NUDT9: variants seen among roughly 807,000 people sequenced by gnomAD.
NUDT9 encodes the protein nudix hydrolase 9.
In NUDT9, 31 loss-of-function variants were observed where a neutral mutation model predicts 41.0. The observed-to-expected ratio is 0.76, with a 90% CI of 0.57 to 1.02. The LOEUF is 1.02. NUDT9 is among the 50% of genes least tolerant of loss of function. The probability of loss-of-function intolerance (pLI) is 0.00; values close to 1 mark genes in which losing one functional copy is unlikely to be tolerated. For synonymous variants in NUDT9, 146 were observed against 147.6 expected, an observed-to-expected ratio of 0.99 and a Z score of 0.08; for missense variants, 380 against 431.4, an observed-to-expected ratio of 0.88 and a Z score of 1.06.
chr4:87,455,765 G>A lies in NUDT9; in HGVS notation c.874+1310G>A, dbSNP rs192648262. Among the ~76,000 whole-genome samples, 168 of 150,976 alleles carry A rather than the reference G, an allele frequency of 1.1e-3. 5 individuals carry two copies. Among genetic ancestry groups the A allele is most frequent in the Admixed American group, 9.9e-3 (150 of 15,096 alleles). Reference sequence around the variant, plus strand: ...CAACCTCTGCCTCTCGGGTTCAGGCGATTCTCCTGCCTCAGACTCTCAAGT... The same window carrying A: ...CAACCTCTGCCTCTCGGGTTCAGGCAATTCTCCTGCCTCAGACTCTCAAGT... On this transcript the variant is annotated intron_variant, in intron 7 of 7. Coordinates refer to ENST00000302174, the MANE Select transcript of NUDT9 (RefSeq NM_024047.5).
intron 6 of NUDT9, among the ~76,000 whole-genome samples, chr4:87,453,845 T>TTTTCTTTC (rs547253601): frequency 4.0e-5 from 6 of 151,364 alleles, no homozygotes; most frequent in African/African-American, 1.5e-4. Flanking sequence ...TTCTTTCTTT[T>TTTTCTTTC]TTTCTTTCTT....
intron 2 of NUDT9, 24 bp downstream of exon 2, chr4:87,435,244 C>G: frequency 3.2e-6 from 5 of 1,586,492 alleles, no homozygotes; most frequent in Non-Finnish European, 4.3e-6. Flanking sequence ...ACAGCGTTAG[C>G]TGGGAATAAG....
intron 7 of NUDT9, 121 bp downstream of exon 7, chr4:87,454,576 A>T: frequency 6.2e-6 from 4 of 649,736 alleles, no homozygotes; most frequent in Non-Finnish European, 1.1e-5. Context: ...TGATTGTAGG[A>T]CTGTAGTTAT....
intron 4 of NUDT9, among the ~76,000 whole-genome samples, chr4:87,447,477 T>G (rs1231754991): frequency 2.5e-5 from 2 of 78,840 alleles, no homozygotes; most frequent in African/African-American, 5.2e-5. Context: ...GCATTGGAAG[T>G]TTTTTTTTTT....
intron 4 of NUDT9, among the ~76,000 whole-genome samples, chr4:87,443,916 A>G (rs1722329990): frequency 6.6e-6 from 1 of 152,128 alleles, no homozygotes. Flanking sequence ...AGAACGGGGG[A>G]GAGGCATTCT....
chr4:87,435,949 G>T (rs1414440085), intron 2 of NUDT9, among the ~76,000 whole-genome samples: 2 of 152,082 alleles, frequency 1.3e-5, no homozygotes, highest in Admixed American at 6.5e-5. Context: ...GTAGTGAGAA[G>T]AGTTGAGATC....
intron 1 of NUDT9, among the ~76,000 whole-genome samples, chr4:87,430,253 C>G (rs962496247): frequency 6.6e-6 from 1 of 152,186 alleles, no homozygotes; most frequent in African/African-American, 2.4e-5. Context: ...GGATTTTTCT[C>G]TTGAGCCTCC....
intron 1 of NUDT9, among the ~76,000 whole-genome samples, chr4:87,429,610 A>T (rs1721589500): frequency 6.8e-6 from 1 of 147,580 alleles, no homozygotes. Context: ...ATCCTTTTTA[A>T]ATTTGTTTTT....
At chr4:87,450,760 A>G (rs1013437988) in intron 5 of NUDT9, among the ~76,000 whole-genome samples, 5 of 152,182 alleles carry the variant, frequency 3.3e-5, no homozygotes, top group African/African-American at 1.2e-4. Context: ...TCATCATAGA[A>G]TCTTGCATTT....
intron 1 of NUDT9, among the ~76,000 whole-genome samples, chr4:87,427,684 T>G (rs1721492513): frequency 6.6e-6 from 1 of 152,218 alleles, no homozygotes; most frequent in Non-Finnish European, 1.5e-5. Context: ...TTAAGTTATT[T>G]AAACATTTTT....
At chr4:87,425,623 G>C (rs1050287570) in intron 1 of NUDT9, among the ~76,000 whole-genome samples, 60 of 147,902 alleles carry the variant, frequency 4.1e-4, no homozygotes, top group Non-Finnish European at 7.4e-4. Context: ...TCGAACTCCT[G>C]ACCTCAGGCA....
intron 1 of NUDT9, among the ~76,000 whole-genome samples, chr4:87,429,310 CCTGA>C (rs1006474745): frequency 2.6e-5 from 4 of 152,022 alleles, no homozygotes; most frequent in African/African-American, 9.7e-5. Context: ...TACCACCATG[CCTGA>C]CTAACTTTTA....
chr4:87,450,268 A>G (rs930711413), intron 5 of NUDT9, among the ~76,000 whole-genome samples: 5 of 152,194 alleles, frequency 3.3e-5, no homozygotes, highest in African/African-American at 1.2e-4. Flanking sequence ...TCTTTATAAA[A>G]ACATACAGTT....
chr4:87,429,467 T>TTA (rs916486175), intron 1 of NUDT9, among the ~76,000 whole-genome samples: 4 of 152,038 alleles, frequency 2.6e-5, no homozygotes, highest in Admixed American at 6.6e-5. Context: ...AAGTTTCTTT[T>TTA]TATATATATA....
Position 87,434,976 on chromosome 4 carries a change from C to T in NUDT9, c.108-5C>T, listed in dbSNP as rs753941953. ...ATGTAAAATGTTTTTCTTTTTCTCC[C>T]CCAGAAACTCGTTTTCATCTTCTTG... On this transcript the variant is annotated splice_region_variant and splice_polypyrimidine_tract_variant and intron_variant, in intron 1 of 7. Coordinates refer to ENST00000302174, the MANE Select transcript of NUDT9 (RefSeq NM_024047.5). 6.3e-6 allele frequency: 10 copies of T among 1,599,988 alleles called. No homozygotes were observed. In the South Asian group the frequency reaches 1.0e-4, roughly 16 times the overall value.
rs530557814 is a variant in NUDT9 at position 87,434,868 on chromosome 4, C to T, written c.108-113C>T. ...CCCTAACCTCAGGTGATCCACCTACCTCGGCCTCACAAAGTGCTGGGATTA... is the reference window on the plus strand; with the variant it reads ...CCCTAACCTCAGGTGATCCACCTACTTCGGCCTCACAAAGTGCTGGGATTA... On this transcript the variant is annotated intron_variant, in intron 1 of 7. Coordinates refer to ENST00000302174, the MANE Select transcript of NUDT9 (RefSeq NM_024047.5). 3 of 866,842 alleles carry T rather than the reference C, an allele frequency of 3.5e-6. No individual in the cohort carries two copies. The South Asian group carries it at 5.3e-5, about 15-fold the overall frequency. 53.7% of individuals were successfully genotyped at this position (866,842 alleles called of 1,614,324 possible). A position where few individuals can be genotyped will look rare whatever the true frequency, so the allele number is the denominator to read the frequency against.
chr4:87,435,138 G>T lies in NUDT9; in HGVS notation c.265G>T (p.Val89Phe), dbSNP rs1245327154. ...QVPNEKVGWL[V>F]EWQDYKPVEY... Reference sequence around the variant, plus strand: ...TCCTAATGAGAAAGTGGGCTGGCTTGTTGAGTGGCAAGACTATAAGCCTGT... The same window carrying T: ...TCCTAATGAGAAAGTGGGCTGGCTTTTTGAGTGGCAAGACTATAAGCCTGT... The change falls in exon 2 of 8, where the codon GTT becomes TTT. Residue 89 changes from valine to phenylalanine, a missense_variant. Physicochemically the swap from Val to Phe is conservative, Grantham distance 50. Transcript: ENST00000302174. 2 of 1,614,104 alleles carry T rather than the reference G, an allele frequency of 1.2e-6. No individual in the cohort carries two copies. The highest frequency in any genetic ancestry group is 1.3e-5 in the African/African-American group (1 of 74,930).
chr4:87,438,323 G>A lies in NUDT9; in HGVS notation c.394G>A (p.Glu132Lys). ...GTTTAACGAAAAGGATGGGCATGTT[G>A]AGAGAAAGAGCAAGAATGGCCTGTA... Reference protein sequence around the residue: ...PKFNEKDGHVERKSKNGLYEI... With the variant: ...PKFNEKDGHVKRKSKNGLYEI... Residue 132 changes from glutamate to lysine, a missense_variant, in exon 3 of 8, where the codon GAG becomes AAG. Transcript: ENST00000302174. 6.2e-7 allele frequency: 1 copy of A among 1,611,862 alleles called. No individual in the cohort carries two copies. Among genetic ancestry groups the A allele is most frequent in the African/African-American group, 1.3e-5 (1 of 74,972 alleles).
chr4:87,430,361 G>A (rs1167237450), intron 1 of NUDT9, among the ~76,000 whole-genome samples: 6 of 152,190 alleles, frequency 3.9e-5, no homozygotes, highest in Non-Finnish European at 8.8e-5. Context: ...AATTTTTATT[G>A]TCTTAAGTCA....
Sources: allele counts gnomAD v4.1 joint callset (sites outside exome capture counted in the v4.1 genomes callset), GRCh38; gene constraint gnomAD v4.1.1; transcripts MANE v1.5; gene names NCBI Gene and HGNC (gene_info 2026-07-23, HGNC 2026-07-21).